ARL15: variants seen among roughly 807,000 people sequenced by gnomAD.
The protein encoded by ARL15 is ARF like GTPase 15, also known as ADP-ribosylation factor-like protein 15.
In ARL15, 19 loss-of-function variants were observed where a neutral mutation model predicts 25.2. The ratio of observed to expected loss-of-function variants is 0.75; its 90% CI spans 0.53 to 1.10. The LOEUF (loss-of-function observed/expected upper bound fraction) is 1.10. Among genes scored for constraint, ARL15 ranks in the 50% least tolerant of loss-of-function variants. The pLI, the probability that ARL15 is intolerant of heterozygous loss-of-function variation, is 0.00. For synonymous variants in ARL15, 94 were observed against 86.8 expected (o/e 1.08, Z -0.46); for missense variants, 220 against 246.0 (o/e 0.89, Z 0.71).
chr5:54,117,368 CAT>C (rs913288752), intron 3 of ARL15, among the ~76,000 whole-genome samples: 14 of 124,506 alleles, frequency 1.1e-4, no homozygotes, highest in Admixed American at 4.4e-4. Flanking sequence ...TAGTGAGACA[CAT>C]ACACACACAC....
At chr5:54,064,937 G>T (rs776857810) in intron 4 of ARL15, among the ~76,000 whole-genome samples, 1 of 151,828 alleles carries the variant, frequency 6.6e-6, no homozygotes, top group Non-Finnish European at 1.5e-5. Flanking sequence ...GATTTGGAAT[G>T]GGGTGGGGGT....
intron 1 of ARL15, among the ~76,000 whole-genome samples, chr5:54,189,770 G>A (rs2112453183): frequency 6.6e-6 from 1 of 152,162 alleles, no homozygotes; most frequent in South Asian, 2.1e-4. Context: ...ATAATTTGTT[G>A]GACATGATAC....
intron 4 of ARL15, among the ~76,000 whole-genome samples, chr5:54,107,442 T>G (rs1185533671): frequency 6.6e-6 from 1 of 152,120 alleles, no homozygotes; most frequent in African/African-American, 2.4e-5. Flanking sequence ...CAGAAGGGAT[T>G]AAAAGATTAT....
At chr5:54,288,734 G>C (rs1758245540) in intron 1 of ARL15, among the ~76,000 whole-genome samples, 1 of 152,176 alleles carries the variant, frequency 6.6e-6, no homozygotes, top group South Asian at 2.1e-4. Context: ...CGCAGATGCA[G>C]TGTCACTCAC....
Position 54,154,656 on chromosome 5 carries a change from A to G in ARL15, c.194-17T>C. 6.9e-7 allele frequency: 1 copy of G among 1,454,816 alleles called. No homozygotes were observed. The highest frequency in any genetic ancestry group is 1.5e-5 in the African/African-American group (1 of 68,420). The allele number at this position is 1,454,816 out of a possible 1,614,324, so 90.1% of individuals were successfully genotyped here. A position where few individuals can be genotyped will look rare whatever the true frequency, so the allele number is the denominator to read the frequency against. On this transcript the variant is annotated splice_polypyrimidine_tract_variant and intron_variant, in intron 2 of 4. Coordinates refer to ENST00000504924, the MANE Select transcript of ARL15 (RefSeq NM_019087.3). Reference sequence around the variant, plus strand: ...TACTAAAACCTAAAATTAGAAAACAAAAACATAAAAAAAGAATTAGCAACT... The same window carrying G: ...TACTAAAACCTAAAATTAGAAAACAGAAACATAAAAAAAGAATTAGCAACT...
chr5:54,181,525 C>T (rs1174009589), intron 1 of ARL15, among the ~76,000 whole-genome samples: 4 of 152,176 alleles, frequency 2.6e-5, no homozygotes, highest in Non-Finnish European at 4.4e-5. Context: ...CTGAACAGAA[C>T]ATTTCTAAAC....
intron 4 of ARL15, among the ~76,000 whole-genome samples, chr5:54,087,167 G>T (rs527572417): frequency 8.6e-5 from 13 of 151,974 alleles, no homozygotes; most frequent in Non-Finnish European, 1.6e-4. Context: ...AAACCCCGTC[G>T]CTACTAAAAA....
chr5:54,111,590 G>T (rs890382511), intron 4 of ARL15, among the ~76,000 whole-genome samples: 1 of 151,918 alleles, frequency 6.6e-6, no homozygotes, highest in African/African-American at 2.4e-5. Context: ...AAAGCAGAAA[G>T]AAAAAATCTT....
At chr5:53,976,266 G>A (rs994055238) in intron 4 of ARL15, among the ~76,000 whole-genome samples, 28 of 152,248 alleles carry the variant, frequency 1.8e-4, no homozygotes, top group African/African-American at 6.3e-4. Context: ...CTAGGGCTGA[G>A]TCTAGAGTAG....
chr5:54,043,613 T>C (rs1750410919), intron 4 of ARL15, among the ~76,000 whole-genome samples: 1 of 152,160 alleles, frequency 6.6e-6, no homozygotes, highest in Non-Finnish European at 1.5e-5. Flanking sequence ...GATTTGCCTC[T>C]CCAAATGTCA....
chr5:54,024,144 C>G (rs778654157), intron 4 of ARL15, among the ~76,000 whole-genome samples: 1 of 152,170 alleles, frequency 6.6e-6, no homozygotes, highest in Non-Finnish European at 1.5e-5. Context: ...AGTGAACCTT[C>G]AGAAGGCAAA....
intron 2 of ARL15, among the ~76,000 whole-genome samples, chr5:54,157,558 C>G (rs969631252): frequency 6.6e-6 from 1 of 151,942 alleles, no homozygotes; most frequent in African/African-American, 2.4e-5. Context: ...ACTACAGGCA[C>G]CCACCACCAC....
intron 1 of ARL15, among the ~76,000 whole-genome samples, chr5:54,204,196 T>C (rs1755800357): frequency 6.6e-6 from 1 of 152,174 alleles, no homozygotes; most frequent in Non-Finnish European, 1.5e-5. Flanking sequence ...TATCTTTTTG[T>C]GATAATTATA....
In ARL15 at chr5:54,235,774, A is replaced by G. The variant is rs147987238; in HGVS notation, c.49-63846T>C. On this transcript the variant is annotated intron_variant, in intron 1 of 4. Transcript: ENST00000504924. ...GGTGTGAGCCACCACCCCGGGCTAT[A>G]GTAAAGTATTAACATTTGTTATTTC... Among the ~76,000 whole-genome samples the G allele has an allele frequency of 1.0e-2, 1,518 of 152,294 alleles. 30 individuals carry two copies. The highest frequency in any genetic ancestry group is 0.035 in the African/African-American group (1,457 of 41,554).
chr5:54,244,508 T>G (rs1160830639), intron 1 of ARL15, among the ~76,000 whole-genome samples: 1 of 152,062 alleles, frequency 6.6e-6, no homozygotes, highest in African/African-American at 2.4e-5. Flanking sequence ...CACCCAAAAG[T>G]TTTTCTAAAA....
chr5:53,947,687 T>C (rs1466056795), intron 4 of ARL15, among the ~76,000 whole-genome samples: 3 of 152,168 alleles, frequency 2.0e-5, no homozygotes, highest in South Asian at 2.1e-4. Context: ...AATGCAGCTC[T>C]GGGACTAGAC....
intron 4 of ARL15, 48 bp downstream of exon 4, chr5:54,113,154 A>G (rs950037330): frequency 1.3e-6 from 2 of 1,587,788 alleles, no homozygotes; most frequent in African/African-American, 2.7e-5. Flanking sequence ...CGTGGCAGCA[A>G]AAGTACAAGC....
chr5:54,236,415 C>A (rs907962099), intron 1 of ARL15, among the ~76,000 whole-genome samples: 2 of 116,592 alleles, frequency 1.7e-5, no homozygotes, highest in Non-Finnish European at 3.7e-5. Flanking sequence ...CAGACACACA[C>A]ACACACACAC....
intron 3 of ARL15, among the ~76,000 whole-genome samples, chr5:54,152,574 G>A (rs1754098747): frequency 6.6e-6 from 1 of 152,138 alleles, no homozygotes; most frequent in Non-Finnish European, 1.5e-5. Flanking sequence ...AGTTGAGAAA[G>A]TAAAAGAATC....
Sources: allele counts gnomAD v4.1 joint callset (sites outside exome capture counted in the v4.1 genomes callset), GRCh38; gene constraint gnomAD v4.1.1; transcripts MANE v1.5; gene names NCBI Gene and HGNC (gene_info 2026-07-23, HGNC 2026-07-21).